Variants in SPINDOC observed in about 807,000 individuals in gnomAD.
SPINDOC encodes the protein spindlin interactor and repressor of chromatin-binding protein.
Under a neutral mutation model 30.7 loss-of-function variants are expected in SPINDOC, and 13 were observed. The ratio of observed to expected loss-of-function variants is 0.42; its 90% CI spans 0.28 to 0.67. SPINDOC has a LOEUF of 0.67. Ranked by LOEUF, SPINDOC falls within the 30% of genes least tolerant of loss-of-function variation. The pLI, the probability that SPINDOC is intolerant of heterozygous loss-of-function variation, is 0.22. For missense variants in SPINDOC, 438 were observed against 518.0 expected (o/e 0.85, Z 1.50); for synonymous variants, 228 against 211.4 (o/e 1.08, Z -0.68).
rs2015684322 is a variant in SPINDOC at position 63,827,493 on chromosome 11, G to C, written c.*354G>C. On this transcript the variant is annotated 3_prime_UTR_variant, in exon 6 of 6. Coordinates refer to ENST00000294244, the MANE Select transcript of SPINDOC (RefSeq NM_138471.3). Reference sequence around the variant, plus strand: ...TTGGCACAGTGCCTTACACAAGAGTGGTCATAAGGGGGTTTGAACTGAGTC... The same window carrying C: ...TTGGCACAGTGCCTTACACAAGAGTCGTCATAAGGGGGTTTGAACTGAGTC... 3.1e-6 allele frequency: 1 copy of C among 324,744 alleles called. No individual in the cohort carries two copies. Among genetic ancestry groups the C allele is most frequent in the Non-Finnish European group, 5.9e-6 (1 of 168,314 alleles). 20.1% of individuals were successfully genotyped at this position (324,744 alleles called of 1,614,324 possible). A position where few individuals can be genotyped will look rare whatever the true frequency, so the allele number is the denominator to read the frequency against.
At chr11:63,820,099 A>C (rs1274349138) in intron 5 of SPINDOC, among the ~76,000 whole-genome samples, 3 of 152,170 alleles carry the variant, frequency 2.0e-5, no homozygotes, top group Non-Finnish European at 4.4e-5. Context: ...TACTGAGTTT[A>C]AGAAGCTTAC....
At position 63,818,893 on chromosome 11, in the gene SPINDOC, C is replaced by G; in HGVS notation, c.825C>G (p.Val275=). ...FTDGSFPAGF[V]LQLFSHTQLR... is the part of the protein sequence containing the mutation. ...ACGGCAGCTTCCCCGCCGGCTTCGT[C>G]TTGCAGCTCTTCTCCCACACCCAGC... is the stretch of plus-strand genomic sequence containing the variant. Residue 275 remains valine, a synonymous_variant, in exon 5 of 6, where the codon GTC becomes GTG. Transcript: ENST00000294244. This position sits in a 1 kb window ranked among gnomAD's most constrained non-coding sequence, Gnocchi z 5.3. 1 of 1,614,214 alleles carries G rather than the reference C, an allele frequency of 6.2e-7. No homozygotes were observed. Among genetic ancestry groups the G allele is most frequent in the Non-Finnish European group, 8.5e-7 (1 of 1,180,052 alleles).
chr11:63,826,174 G>A (rs2015650636), intron 5 of SPINDOC, among the ~76,000 whole-genome samples: 1 of 152,124 alleles, frequency 6.6e-6, no homozygotes, highest in African/African-American at 2.4e-5. Context: ...GACCTCAAGT[G>A]ATCTGCTCAC....
rs1165157321 is a variant in SPINDOC at position 63,827,166 on chromosome 11, A to AT, written c.*27_*28insT. On this transcript the variant is annotated 3_prime_UTR_variant, in exon 6 of 6. Transcript: ENST00000294244. ...TTCTTGCTTTCCTGGGGAGGGAGGG[A>AT]GGGATGAGGCAGCGTCCCCCAGTGG... 1.5e-6 allele frequency: 1 copy of AT among 658,624 alleles called. No individual in the cohort carries two copies. Among genetic ancestry groups the AT allele is most frequent in the Non-Finnish European group, 2.7e-6 (1 of 372,668 alleles). 40.8% of individuals were successfully genotyped at this position (658,624 alleles called of 1,614,324 possible). A position where few individuals can be genotyped will look rare whatever the true frequency, so the allele number is the denominator to read the frequency against.
intron 5 of SPINDOC, 41 bp from the exon 6 acceptor site, chr11:63,826,887 C>CT (rs2015665920): frequency 9.9e-7 from 1 of 1,014,472 alleles, no homozygotes. Context: ...GGTGGGGTGT[C>CT]TGGGGGGCTC....
intron 1 of SPINDOC, among the ~76,000 whole-genome samples, chr11:63,816,822 G>A (rs2015353170): frequency 6.6e-6 from 1 of 152,184 alleles, no homozygotes; most frequent in Non-Finnish European, 1.5e-5. Context: ...GTGGGACCAT[G>A]GCTGTAAATG....
chr11:63,820,889 C>CAAAAAAAAAAAAA (rs60839586), intron 5 of SPINDOC, among the ~76,000 whole-genome samples: 9 of 74,422 alleles, frequency 1.2e-4, no homozygotes, highest in East Asian at 5.4e-4. Context: ...AACTCCGTCT[C>CAAAAAAAAAAAAA]AAAAAAAAAA....
rs1329117975 is a variant in SPINDOC at position 63,827,060 on chromosome 11, A to T, written c.1067A>T (p.Asp356Val). 1 of 1,613,994 alleles carries T rather than the reference A, an allele frequency of 6.2e-7. No individual in the cohort carries two copies. The highest frequency in any genetic ancestry group is 2.2e-5 in the East Asian group (1 of 44,880). Residue 356 changes from aspartate to valine, a missense_variant, in exon 6 of 6, where the codon GAC becomes GTC. Around this residue, in one of 3 missense-constraint regions of SPINDOC, gnomAD observed 300 missense variants for 332.8 expected, o/e 0.90. Coordinates refer to ENST00000294244, the MANE Select transcript of SPINDOC (RefSeq NM_138471.3). The part of the protein sequence containing the change: ...PQGTKRVGAG[D>V]TSDWPTVLSE... The stretch of plus-strand genomic sequence containing the variant: ...GGCACCAAGCGTGTGGGAGCAGGTG[A>T]CACCTCAGACTGGCCCACAGTTCTG...
intron 5 of SPINDOC, among the ~76,000 whole-genome samples, chr11:63,819,680 A>G (rs2015456752): frequency 6.6e-6 from 1 of 151,994 alleles, no homozygotes; most frequent in East Asian, 1.9e-4. Context: ...TATTTTTAGT[A>G]GAGACAGGGT....
At position 63,813,669 on chromosome 11, in the gene SPINDOC, A is replaced by G. The variant is rs761306571; in HGVS notation, c.-18A>G. ...GCGCGCCAGTCCTCCGGCCACTGCT[A>G]TCGCCCACGGCCGCACCATGGCCCT... On this transcript the variant is annotated 5_prime_UTR_variant, in exon 1 of 6. Transcript: ENST00000294244. The G allele has an allele frequency of 5.9e-6, 9 of 1,537,058 alleles. No homozygotes were observed. The East Asian group carries it at 7.9e-5, about 14-fold the overall frequency.
chr11:63,814,174 T>C (rs1424025120), intron 1 of SPINDOC, among the ~76,000 whole-genome samples: 2 of 152,006 alleles, frequency 1.3e-5, no homozygotes, highest in African/African-American at 4.8e-5. Flanking sequence ...TCTCACAGCC[T>C]GGGAAGGGGA....
At chr11:63,822,719 C>T (rs2015561157) in intron 5 of SPINDOC, 2 of 1,288,776 alleles carry the variant, frequency 1.6e-6, no homozygotes, top group Non-Finnish European at 2.0e-6. Flanking sequence ...CTGGTCCTCT[C>T]CGGTGGATCC....
At chr11:63,815,492 G>T (rs1038955649) in intron 1 of SPINDOC, among the ~76,000 whole-genome samples, 3 of 152,342 alleles carry the variant, frequency 2.0e-5, no homozygotes, top group East Asian at 1.9e-4. Flanking sequence ...ACATATTCAG[G>T]TGGAGAGGTC....
In SPINDOC at chr11:63,813,633, C is replaced by A; in HGVS notation, c.-54C>A. 4 of 1,452,490 alleles carry A rather than the reference C, an allele frequency of 2.8e-6. No individual in the cohort carries two copies. Among genetic ancestry groups the A allele is most frequent in the Non-Finnish European group, 3.6e-6 (4 of 1,100,006 alleles). 90.0% of individuals were successfully genotyped at this position (1,452,490 alleles called of 1,614,324 possible). On this transcript the variant is annotated 5_prime_UTR_variant, in exon 1 of 6. Transcript: ENST00000294244. ...AGGCGGGAGGCGGTTGCCGGCTGCGCGCCGAAGCCTGCGCGCCAGTCCTCC... is the reference window on the plus strand; with the variant it reads ...AGGCGGGAGGCGGTTGCCGGCTGCGAGCCGAAGCCTGCGCGCCAGTCCTCC...
chr11:63,817,742 G>A (rs774148269), intron 1 of SPINDOC, 63 bp from the exon 2 acceptor site: 20 of 1,391,812 alleles, frequency 1.4e-5, no homozygotes, highest in South Asian at 2.8e-5. Context: ...GTCTGGAGAC[G>A]TGCTAAGTGT....
In SPINDOC at chr11:63,818,762, G is replaced by A. The variant is rs1409124134; in HGVS notation, c.734-40G>A. On this transcript the variant is annotated intron_variant, in intron 4 of 5. Coordinates refer to ENST00000294244, the MANE Select transcript of SPINDOC (RefSeq NM_138471.3). The surrounding 1 kb of genome is among the most constrained non-coding windows in gnomAD (Gnocchi z 5.3). ...GGCGCAGGGCGCCTGCAGCTCCTGA[G>A]GCTTTTTCACTCACAGTTCCATCCC... 3.1e-6 allele frequency: 5 copies of A among 1,612,680 alleles called. No homozygotes were observed. The highest frequency in any genetic ancestry group is 4.2e-6 in the Non-Finnish European group (5 of 1,179,770).
rs1270864445 is a variant in SPINDOC at position 63,818,588 on chromosome 11, A to G, written c.669A>G (p.Pro223=). Residue 223 remains proline, a synonymous_variant, in exon 4 of 6, where the codon CCA becomes CCG. Transcript: ENST00000294244. The surrounding 1 kb of genome is among the most constrained non-coding windows in gnomAD (Gnocchi z 5.3). The part of the protein sequence containing the change: ...KPRGQRWKEP[P]GEEPVRKKRG... ...GTGGTCAGAGATGGAAGGAACCCCCAGGGGAAGAGCCAGTCAGAAAGAAAA... is the reference window on the plus strand; with the variant it reads ...GTGGTCAGAGATGGAAGGAACCCCCGGGGGAAGAGCCAGTCAGAAAGAAAA... The G allele has an allele frequency of 1.2e-6, 2 of 1,613,728 alleles. No homozygotes were observed. The highest frequency in any genetic ancestry group is 1.7e-6 in the Non-Finnish European group (2 of 1,180,022).
intron 1 of SPINDOC, among the ~76,000 whole-genome samples, chr11:63,814,288 G>A (rs1424646462): frequency 6.6e-6 from 1 of 152,226 alleles, no homozygotes; most frequent in African/African-American, 2.4e-5. Context: ...AGAATTTTAA[G>A]GGCTCTCCGA....
chr11:63,820,661 A>G (rs61886100), intron 5 of SPINDOC, among the ~76,000 whole-genome samples: 2 of 150,706 alleles, frequency 1.3e-5, no homozygotes, highest in Admixed American at 1.3e-4. Context: ...GGAGGCTGAG[A>G]CGGGCGGATC....
Sources: gnomAD v4.1 joint callset for allele counts (sites outside exome capture counted in the v4.1 genomes callset) on GRCh38, gnomAD v4.1.1 for gene constraint, gnomAD v4.1.1 regional missense constraint, Gnocchi (gnomAD v3.1) non-coding constraint, MANE v1.5 for transcripts, NCBI Gene and HGNC (gene_info 2026-07-23, HGNC 2026-07-21) for gene names.